CDK6: variants seen among roughly 807,000 people sequenced by gnomAD.
CDK6 encodes the protein cyclin dependent kinase 6.
A neutral mutation model predicts 37.1 loss-of-function variants in CDK6; 6 were observed. The ratio of observed to expected loss-of-function variants is 0.16; its 90% CI spans 0.09 to 0.32. The LOEUF is 0.32. Among genes scored for constraint, CDK6 ranks in the 10% least tolerant of loss-of-function variants. The pLI is 1.00. For missense variants in CDK6, 224 were observed against 418.9 expected (o/e 0.53, Z 4.06); for synonymous variants, 160 against 161.3 (o/e 0.99, Z 0.06).
intron 2 of CDK6, among the ~76,000 whole-genome samples, chr7:92,790,498 GT>G (rs1415386446): frequency 6.6e-6 from 1 of 152,084 alleles, no homozygotes; most frequent in Non-Finnish European, 1.5e-5. Flanking sequence ...TTAAATATTT[GT>G]TATTTTCTAA....
At chr7:92,780,097 C>G (rs911049420) in intron 2 of CDK6, among the ~76,000 whole-genome samples, 15 of 152,140 alleles carry the variant, frequency 9.9e-5, no homozygotes, top group Admixed American at 5.9e-4. Context: ...CTCAGCCTCC[C>G]GAGTAGCTGG....
intron 5 of CDK6, among the ~76,000 whole-genome samples, chr7:92,665,609 A>G (rs1440577728): frequency 1.3e-5 from 2 of 152,196 alleles, no homozygotes; most frequent in Non-Finnish European, 2.9e-5. Context: ...TCATTTTTGA[A>G]CAAAAGACAT....
At chr7:92,815,262 C>G (rs1306297540) in intron 2 of CDK6, among the ~76,000 whole-genome samples, 1 of 152,078 alleles carries the variant, frequency 6.6e-6, no homozygotes, top group East Asian at 1.9e-4. Context: ...TTTCCAGCCA[C>G]CCAAAAGTAA....
In CDK6 at chr7:92,628,452, C is replaced by A. The variant is rs570448595; in HGVS notation, c.648-5366G>T. Among the ~76,000 whole-genome samples the A allele has an allele frequency of 4.6e-5, 7 of 152,164 alleles. No homozygotes were observed. In the South Asian group the frequency reaches 1.5e-3, roughly 32 times the overall value. ...GAAGTTCTCTGAGGACAGGGCCAAC[C>A]CTCACTTGATTCTGTATTCAGAGTA... is the stretch of plus-strand genomic sequence containing the variant. On this transcript the variant is annotated intron_variant, in intron 5 of 7. Coordinates refer to ENST00000424848, the MANE Select transcript of CDK6 (RefSeq NM_001145306.2).
At position 92,612,979 on chromosome 7, in the gene CDK6, C is replaced by A. The variant is rs1468932607; in HGVS notation, c.*2161G>T. 2 of 232,940 alleles carry A rather than the reference C, an allele frequency of 8.6e-6. No homozygotes were observed. The highest frequency in any genetic ancestry group is 1.7e-5 in the Non-Finnish European group (2 of 117,966). The allele number at this position is 232,940 out of a possible 1,614,324, so 14.4% of individuals were successfully genotyped here. ...TTTTCCATGTGAGACTTTGAGTAGACCTGACCTTGAATGCTGTGGATTCAT... is the reference window on the plus strand; with the variant it reads ...TTTTCCATGTGAGACTTTGAGTAGAACTGACCTTGAATGCTGTGGATTCAT... On this transcript the variant is annotated 3_prime_UTR_variant, in exon 8 of 8. Transcript: ENST00000424848.
chr7:92,782,824 TATAA>T (rs1277356202), intron 2 of CDK6, among the ~76,000 whole-genome samples: 2 of 152,244 alleles, frequency 1.3e-5, no homozygotes, highest in South Asian at 2.1e-4. Context: ...CTAAGACATC[TATAA>T]ATATTTTGAA....
At chr7:92,809,720 T>C (rs2115934638) in intron 2 of CDK6, among the ~76,000 whole-genome samples, 1 of 152,342 alleles carries the variant, frequency 6.6e-6, no homozygotes, top group Admixed American at 6.5e-5. Context: ...TGAAATATAA[T>C]GGTTCATACC....
intron 3 of CDK6, among the ~76,000 whole-genome samples, chr7:92,768,060 A>G (rs1412617206): frequency 6.6e-6 from 1 of 152,182 alleles, no homozygotes; most frequent in Non-Finnish European, 1.5e-5. Context: ...GAAGGGCAGA[A>G]GAACTAAAAA....
chr7:92,644,569 G>C (rs1796397418), intron 5 of CDK6, among the ~76,000 whole-genome samples: 1 of 152,092 alleles, frequency 6.6e-6, no homozygotes, highest in Non-Finnish European at 1.5e-5. Flanking sequence ...TAGGAAGAAG[G>C]CTTGTGAAAT....
chr7:92,690,924 T>A (rs1797586906), intron 4 of CDK6, among the ~76,000 whole-genome samples: 1 of 152,192 alleles, frequency 6.6e-6, no homozygotes, highest in Non-Finnish European at 1.5e-5. Context: ...ATGTAGATGG[T>A]GAGGACATCT....
chr7:92,759,446 G>A (rs749222277), intron 3 of CDK6, among the ~76,000 whole-genome samples: 1 of 152,062 alleles, frequency 6.6e-6, no homozygotes, highest in Admixed American at 6.6e-5. Flanking sequence ...CTCACAGGAC[G>A]AGTCTGGAAC....
intron 5 of CDK6, among the ~76,000 whole-genome samples, chr7:92,669,749 A>G (rs1488872929): frequency 6.6e-6 from 1 of 152,232 alleles, no homozygotes; most frequent in Admixed American, 6.5e-5. Context: ...AATGAATCAG[A>G]ATCTCAAGGG....
chr7:92,730,343 T>C (rs1170876867), intron 3 of CDK6, among the ~76,000 whole-genome samples: 2 of 152,326 alleles, frequency 1.3e-5, no homozygotes, highest in Non-Finnish European at 1.5e-5. Context: ...CACAGAACTC[T>C]CTCCATAGTG....
At chr7:92,660,111 A>G (rs1454775039) in intron 5 of CDK6, among the ~76,000 whole-genome samples, 1 of 152,178 alleles carries the variant, frequency 6.6e-6, no homozygotes, top group Admixed American at 6.5e-5. Flanking sequence ...CAAAGCTGGT[A>G]GGGGTAGGGC....
chr7:92,779,543 TC>T (rs1799935041), intron 2 of CDK6, among the ~76,000 whole-genome samples: 2 of 152,202 alleles, frequency 1.3e-5, no homozygotes, highest in African/African-American at 4.8e-5. Context: ...TTAACTTCAT[TC>T]AGGAAATGGA....
At chr7:92,692,271 AAAG>A (rs749441278) in intron 4 of CDK6, among the ~76,000 whole-genome samples, 28 of 150,944 alleles carry the variant, frequency 1.9e-4, no homozygotes, top group Non-Finnish European at 2.7e-4. Context: ...CTCAAAAAAG[AAAG>A]AAAGAAAGAA....
intron 2 of CDK6, among the ~76,000 whole-genome samples, chr7:92,820,650 TA>T (rs1277196050): frequency 1.3e-5 from 2 of 152,090 alleles, no homozygotes; most frequent in Non-Finnish European, 2.9e-5. Flanking sequence ...TTAAAATTAT[TA>T]TATGAAATAA....
rs1012328583 is a variant in CDK6, at chr7:92,725,861, C to T, written c.370-68G>A. On this transcript the variant is annotated intron_variant, in intron 3 of 7. Transcript: ENST00000424848. ...GAAGTTGAGCATTTGCTATGCTGGA[C>T]GCCGAATCCTTAGCATTTTGTGGCT... is the stretch of plus-strand genomic sequence containing the variant. 34 of 1,427,496 alleles carry T rather than the reference C, an allele frequency of 2.4e-5. No individual in the cohort carries two copies. In the Admixed American group the frequency reaches 4.2e-4, roughly 18 times the overall value. 88.4% of individuals were successfully genotyped at this position (1,427,496 alleles called of 1,614,324 possible). A position where few individuals can be genotyped will look rare whatever the true frequency, so the allele number is the denominator to read the frequency against.
At chr7:92,679,739 G>A (rs1266785766) in intron 4 of CDK6, among the ~76,000 whole-genome samples, 1 of 149,508 alleles carries the variant, frequency 6.7e-6, no homozygotes, top group Non-Finnish European at 1.5e-5. Flanking sequence ...TTTTTTTTTC[G>A]AGACAGAGTG....
Sources: gnomAD v4.1 joint callset for allele counts (sites outside exome capture counted in the v4.1 genomes callset) on GRCh38, gnomAD v4.1.1 for gene constraint, MANE v1.5 for transcripts, NCBI Gene and HGNC (gene_info 2026-07-23, HGNC 2026-07-21) for gene names.